Variants in ADGRL2 observed in about 807,000 individuals in gnomAD.
The protein encoded by ADGRL2 is calcium-independent alpha-latrotoxin receptor 2.
Under a neutral mutation model 157.4 loss-of-function variants are expected in ADGRL2, and 44 were observed. That is an observed-to-expected ratio of 0.28 (90% CI 0.22 to 0.36). ADGRL2 has a LOEUF of 0.36. ADGRL2 is among the 10% of genes least tolerant of loss of function. The probability of loss-of-function intolerance (pLI) is 1.00; values close to 1 mark genes in which losing one functional copy is unlikely to be tolerated. For synonymous variants in ADGRL2, 585 were observed against 624.7 expected, an observed-to-expected ratio of 0.94 and a Z score of 0.95; for missense variants, 1,510 against 1,768.9, an observed-to-expected ratio of 0.85 and a Z score of 2.63.
chr1:81,692,800 G>C (rs2083369671), intron 3 of ADGRL2, among the ~76,000 whole-genome samples: 1 of 152,170 alleles, frequency 6.6e-6, no homozygotes, highest in African/African-American at 2.4e-5. Context: ...GATGTCAATA[G>C]TTTAAAATTT....
intron 2 of ADGRL2, among the ~76,000 whole-genome samples, chr1:81,764,475 C>A (rs1193487004): frequency 6.6e-6 from 1 of 152,084 alleles, no homozygotes; most frequent in Non-Finnish European, 1.5e-5. Context: ...CTCTAGCATG[C>A]ATCTAATACT....
intron 2 of ADGRL2, among the ~76,000 whole-genome samples, chr1:81,501,294 A>T (rs2078840811): frequency 6.6e-6 from 1 of 152,250 alleles, no homozygotes; most frequent in East Asian, 1.9e-4. Context: ...TACCAAGGAC[A>T]TCTGAAGATT....
chr1:81,658,157 G>T (rs1329019552), intron 3 of ADGRL2, among the ~76,000 whole-genome samples: 2 of 152,200 alleles, frequency 1.3e-5, no homozygotes, highest in Non-Finnish European at 1.5e-5. Context: ...GTGCAGTGGT[G>T]CAGTCTTGGC....
At chr1:81,318,591 A>C (rs1328641119) in intron 1 of ADGRL2, among the ~76,000 whole-genome samples, 5 of 152,234 alleles carry the variant, frequency 3.3e-5, no homozygotes, top group Non-Finnish European at 5.9e-5. Context: ...TATTACTAAT[A>C]CACTACTAGT....
At chr1:81,817,282 T>A (rs2090504715) in intron 1 of ADGRL2, among the ~76,000 whole-genome samples, 1 of 151,970 alleles carries the variant, frequency 6.6e-6, no homozygotes, top group African/African-American at 2.4e-5. Context: ...CCCATTTTTT[T>A]TTTTTGGTAA....
At chr1:81,512,602 A>T (rs1488952537) in intron 2 of ADGRL2, among the ~76,000 whole-genome samples, 1 of 152,186 alleles carries the variant, frequency 6.6e-6, no homozygotes, top group Non-Finnish European at 1.5e-5. Flanking sequence ...TGACTATTAA[A>T]CAGGAAGTGA....
At chr1:81,936,913 G>A in intron 4 of ADGRL2, 76 bp downstream of exon 4, 1 of 890,942 alleles carries the variant, frequency 1.1e-6, no homozygotes, top group East Asian at 2.4e-5. Flanking sequence ...ACATGTGAAA[G>A]AAGCATATGT....
chr1:81,869,629 A>G (rs533239554), intron 2 of ADGRL2, among the ~76,000 whole-genome samples: 1 of 152,176 alleles, frequency 6.6e-6, no homozygotes, highest in South Asian at 2.1e-4. Context: ...ATAAATAATT[A>G]CAGTTTCTCA....
At chr1:81,655,966 T>G (rs1015746694) in intron 3 of ADGRL2, among the ~76,000 whole-genome samples, 2 of 152,152 alleles carry the variant, frequency 1.3e-5, no homozygotes. Flanking sequence ...CCAGAGGCAT[T>G]TGGGAAAGGC....
intron 2 of ADGRL2, among the ~76,000 whole-genome samples, chr1:81,565,885 G>A (rs1173605857): frequency 2.0e-5 from 3 of 152,164 alleles, no homozygotes; most frequent in African/African-American, 7.2e-5. Flanking sequence ...ATTAGAAGTA[G>A]ATGACTCAAA....
chr1:81,745,682 G>C (rs747403877), intron 1 of ADGRL2, among the ~76,000 whole-genome samples: 1 of 152,054 alleles, frequency 6.6e-6, no homozygotes, highest in Non-Finnish European at 1.5e-5. Context: ...TATTATTTAT[G>C]GATTTATAAG....
At chr1:81,593,478 T>A (rs1462576057) in intron 3 of ADGRL2, among the ~76,000 whole-genome samples, 1 of 152,176 alleles carries the variant, frequency 6.6e-6, no homozygotes, top group Non-Finnish European at 1.5e-5. Context: ...ATGTGAAGTG[T>A]TTACAATAGT....
At chr1:81,868,149 C>A (rs1004649950) in intron 2 of ADGRL2, among the ~76,000 whole-genome samples, 1 of 151,576 alleles carries the variant, frequency 6.6e-6, no homozygotes, top group Non-Finnish European at 1.5e-5. Context: ...AAATCCGTGC[C>A]ACTGCTATGT....
At chr1:81,324,159 A>G (rs530702705) in intron 1 of ADGRL2, among the ~76,000 whole-genome samples, 5 of 152,304 alleles carry the variant, frequency 3.3e-5, no homozygotes, top group South Asian at 2.1e-4. Flanking sequence ...GATGAAGGTC[A>G]TTAGGCTTCA....
intron 1 of ADGRL2, among the ~76,000 whole-genome samples, chr1:81,423,800 C>A (rs907325513): frequency 1.3e-5 from 2 of 152,144 alleles, no homozygotes; most frequent in African/African-American, 4.8e-5. Flanking sequence ...TCACAGACAA[C>A]ATCATTCAAC....
rs773606547 is a variant in ADGRL2, at chr1:81,985,348, TAATC to T, written c.3504_3507del (p.Asn1168LysfsTer3). Reference sequence around the variant, plus strand: ...GTGACATCAATAGCACTTCAACACTTAATCAAGGTCAGTTATCAGGAAAATTTGA... The same window carrying T: ...GTGACATCAATAGCACTTCAACACTTAAGGTCAGTTATCAGGAAAATTTGA... On this transcript the variant is annotated frameshift_variant, in exon 21 of 24. Coordinates refer to ENST00000686636, the MANE Select transcript of ADGRL2 (RefSeq NM_001366006.2). LOFTEE classifies it high-confidence loss of function. The T allele has an allele frequency of 1.9e-6, 3 of 1,587,904 alleles. No homozygotes were observed. Among genetic ancestry groups the T allele is most frequent in the Non-Finnish European group, 1.7e-6 (2 of 1,161,152 alleles).
chr1:81,794,293 C>T (rs980954526), intron 2 of ADGRL2, among the ~76,000 whole-genome samples: 1 of 152,046 alleles, frequency 6.6e-6, no homozygotes, highest in Non-Finnish European at 1.5e-5. Context: ...ACTAAAGTTG[C>T]CCCCATAATG....
At chr1:81,614,409 T>C (rs568817865) in intron 3 of ADGRL2, among the ~76,000 whole-genome samples, 1 of 152,356 alleles carries the variant, frequency 6.6e-6, no homozygotes, top group East Asian at 1.9e-4. Flanking sequence ...CATGGTATAG[T>C]AACTGGGGAC....
intron 1 of ADGRL2, among the ~76,000 whole-genome samples, chr1:81,403,576 T>C (rs1283665424): frequency 6.7e-6 from 1 of 149,062 alleles, no homozygotes; most frequent in Non-Finnish European, 1.5e-5. Context: ...ATAACACTTT[T>C]TCTTTAATGA....
Sources: allele counts gnomAD v4.1 joint callset (sites outside exome capture counted in the v4.1 genomes callset), GRCh38; gene constraint gnomAD v4.1.1; transcripts MANE v1.5; gene names NCBI Gene and HGNC (gene_info 2026-07-23, HGNC 2026-07-21).